AHCYL2: variants seen among roughly 807,000 people sequenced by gnomAD.
The protein encoded by AHCYL2 is adenosylhomocysteinase like 2.
Under a neutral mutation model 81.4 loss-of-function variants are expected in AHCYL2, and 28 were observed. That is an observed-to-expected ratio of 0.34 (90% CI 0.25 to 0.47). AHCYL2 has a LOEUF of 0.47. Ranked by LOEUF, AHCYL2 falls within the 20% of genes least tolerant of loss-of-function variation. The pLI is 1.00. For synonymous variants in AHCYL2, 272 were observed against 290.2 expected, an observed-to-expected ratio of 0.94 and a Z score of 0.64; for missense variants, 551 against 785.1, an observed-to-expected ratio of 0.70 and a Z score of 3.56.
At chr7:129,329,243 G>A (rs1416083060) in intron 1 of AHCYL2, among the ~76,000 whole-genome samples, 3 of 152,096 alleles carry the variant, frequency 2.0e-5, no homozygotes, top group Non-Finnish European at 4.4e-5. Flanking sequence ...ACAGTGGCGC[G>A]ATCACAGCTC....
intron 1 of AHCYL2, among the ~76,000 whole-genome samples, chr7:129,255,217 C>A (rs898902532): frequency 6.6e-6 from 1 of 151,938 alleles, no homozygotes; most frequent in South Asian, 2.1e-4. Flanking sequence ...GCCGAGATCG[C>A]GCCATTGCAC....
intron 1 of AHCYL2, among the ~76,000 whole-genome samples, chr7:129,258,891 A>G (rs1022435221): frequency 6.6e-6 from 1 of 152,188 alleles, no homozygotes; most frequent in Non-Finnish European, 1.5e-5. Flanking sequence ...TTGGGCAGGA[A>G]GTTGAGAGCG....
chr7:129,239,786 C>T (rs143138066), intron 1 of AHCYL2, among the ~76,000 whole-genome samples: 124 of 151,922 alleles, frequency 8.2e-4, no homozygotes, highest in African/African-American at 2.8e-3. Flanking sequence ...ACAGACACAC[C>T]GAGACCCAGA....
chr7:129,375,554 G>A (rs918573976), intron 1 of AHCYL2: 189 of 1,120,350 alleles, frequency 1.7e-4, no homozygotes, highest in Non-Finnish European at 2.0e-4. Context: ...CCTTGTCAAG[G>A]GACTTGCAAG....
At chr7:129,390,694 A>G (rs1011384548) in intron 4 of AHCYL2, among the ~76,000 whole-genome samples, 1 of 152,128 alleles carries the variant, frequency 6.6e-6, no homozygotes, top group African/African-American at 2.4e-5. Context: ...GTCATCACAA[A>G]CTGACATGAA....
intron 12 of AHCYL2, among the ~76,000 whole-genome samples, chr7:129,415,290 C>T (rs1347157361): frequency 6.6e-6 from 1 of 152,202 alleles, no homozygotes; most frequent in African/African-American, 2.4e-5. Context: ...TCATGTCATG[C>T]CCTGGGCCCT....
chr7:129,420,419 C>G (rs911909473), intron 12 of AHCYL2, among the ~76,000 whole-genome samples: 1 of 151,638 alleles, frequency 6.6e-6, no homozygotes, highest in Non-Finnish European at 1.5e-5. Flanking sequence ...GCTCTAAAGG[C>G]TAATGGATTC....
chr7:129,266,291 C>T (rs1335890036), intron 1 of AHCYL2, among the ~76,000 whole-genome samples: 1 of 151,968 alleles, frequency 6.6e-6, no homozygotes, highest in African/African-American at 2.4e-5. Context: ...TTGACTTAAG[C>T]AAAAAAGGTA....
intron 1 of AHCYL2, among the ~76,000 whole-genome samples, chr7:129,347,016 A>G (rs774314869): frequency 9.2e-5 from 14 of 152,220 alleles, no homozygotes; most frequent in Non-Finnish European, 2.1e-4. Context: ...GCATATTACT[A>G]AGTGAAGTAA....
At chr7:129,366,835 CAT>C (rs1794139895) in intron 1 of AHCYL2, among the ~76,000 whole-genome samples, 1 of 151,790 alleles carries the variant, frequency 6.6e-6, no homozygotes, top group Non-Finnish European at 1.5e-5. Flanking sequence ...GATGTGCACT[CAT>C]GACACAGCCT....
intron 1 of AHCYL2, among the ~76,000 whole-genome samples, chr7:129,291,118 T>A (rs1350088654): frequency 6.6e-6 from 1 of 152,144 alleles, no homozygotes; most frequent in Non-Finnish European, 1.5e-5. Context: ...AAAAGCCACC[T>A]TTCCTCCCCT....
intron 10 of AHCYL2, among the ~76,000 whole-genome samples, chr7:129,409,087 TA>T (rs35068503): frequency 0.18 from 25,540 of 143,980 alleles, 2,572 homozygotes; most frequent in South Asian, 0.37. Flanking sequence ...ATCCCATCTC[TA>T]AAAAAAAAAA....
At chr7:129,398,894 C>T (rs1245061268) in intron 5 of AHCYL2, among the ~76,000 whole-genome samples, 2 of 151,912 alleles carry the variant, frequency 1.3e-5, no homozygotes, top group Non-Finnish European at 2.9e-5. Context: ...TTCAGATTCC[C>T]ACTTTGGGAA....
intron 1 of AHCYL2, among the ~76,000 whole-genome samples, chr7:129,297,251 A>G: frequency 6.6e-6 from 1 of 152,212 alleles, no homozygotes; most frequent in South Asian, 2.1e-4. Flanking sequence ...CCCCTGGTTA[A>G]TGATGGTGTC....
chr7:129,315,650 T>A (rs1486340861), intron 1 of AHCYL2, among the ~76,000 whole-genome samples: 1 of 152,258 alleles, frequency 6.6e-6, no homozygotes, highest in Non-Finnish European at 1.5e-5. Context: ...GCTATGTATT[T>A]ACCTTTATCC....
intron 1 of AHCYL2, among the ~76,000 whole-genome samples, chr7:129,329,333 A>AC (rs1798338230): frequency 6.6e-6 from 1 of 152,048 alleles, no homozygotes; most frequent in Admixed American, 6.6e-5. Context: ...GGCAAGTGCC[A>AC]CCATGCCTGG....
rs576715253 is a variant in AHCYL2, at chr7:129,248,613, G to A, written c.363+23174G>A. Among the ~76,000 whole-genome samples, 4 of 148,556 alleles carry A rather than the reference G, an allele frequency of 2.7e-5. No individual in the cohort carries two copies. The East Asian group carries it at 7.8e-4, about 29-fold the overall frequency. ...GTTGGAATTGGGTAGTATAAATCCT[G>A]GATACTATTTTTTTTTTTTTTTCAA... is the stretch of plus-strand genomic sequence containing the variant. On this transcript the variant is annotated intron_variant, in intron 1 of 16. Coordinates refer to ENST00000325006, the MANE Select transcript of AHCYL2 (RefSeq NM_015328.4).
At chr7:129,225,741 C>T (rs1301367234) in intron 1 of AHCYL2, among the ~76,000 whole-genome samples, 1 of 152,202 alleles carries the variant, frequency 6.6e-6, no homozygotes, top group Non-Finnish European at 1.5e-5. Flanking sequence ...GCGGCCCCAA[C>T]ACGCTCCCGG....
intron 1 of AHCYL2, among the ~76,000 whole-genome samples, chr7:129,240,583 T>G (rs1327874343): frequency 6.6e-6 from 1 of 152,104 alleles, no homozygotes; most frequent in Non-Finnish European, 1.5e-5. Context: ...CTGGAACTGC[T>G]TGTTCCTGGG....
Sources: gnomAD v4.1 joint callset for allele counts (sites outside exome capture counted in the v4.1 genomes callset) on GRCh38, gnomAD v4.1.1 for gene constraint, MANE v1.5 for transcripts, NCBI Gene and HGNC (gene_info 2026-07-23, HGNC 2026-07-21) for gene names.